The following DSCAM variants were observed in gnomAD, a reference collection of about 807,000 sequenced individuals.
The protein encoded by DSCAM is DS cell adhesion molecule.
A neutral mutation model predicts 217.7 loss-of-function variants in DSCAM; 47 were observed. The ratio of observed to expected loss-of-function variants is 0.22; its 90% CI spans 0.17 to 0.28. The LOEUF is 0.28. DSCAM is among the 10% of genes least tolerant of loss of function. DSCAM has a pLI of 1.00. For missense variants in DSCAM, 2,080 were observed against 2,618.3 expected (o/e 0.79, Z 4.49); for synonymous variants, 1,056 against 1,015.3 (o/e 1.04, Z -0.76).
chr21:40,818,691 C>G (rs560777178), intron 1 of DSCAM, among the ~76,000 whole-genome samples: 263 of 149,322 alleles, frequency 1.8e-3, no homozygotes, highest in African/African-American at 6.1e-3. Flanking sequence ...TATGTTGCTT[C>G]TTCTCCAACC....
intron 3 of DSCAM, among the ~76,000 whole-genome samples, chr21:40,423,593 C>G (rs60678628): frequency 2.6e-5 from 4 of 152,150 alleles, no homozygotes; most frequent in Non-Finnish European, 5.9e-5. Flanking sequence ...AAGTGTACTT[C>G]CCTTTCTTTC....
chr21:40,591,799 G>C (rs2076986345), intron 3 of DSCAM, among the ~76,000 whole-genome samples: 1 of 152,144 alleles, frequency 6.6e-6, no homozygotes, highest in South Asian at 2.1e-4. Flanking sequence ...AAATGGCCCA[G>C]GCTATTTGGA....
chr21:40,636,155 G>A (rs113957736), intron 3 of DSCAM, among the ~76,000 whole-genome samples: 2,814 of 152,274 alleles, frequency 0.018, 100 homozygotes, highest in African/African-American at 0.065. Flanking sequence ...TTTTAAAGCT[G>A]CAAGACCCCA....
At chr21:40,396,432 G>A (rs973829554) in intron 3 of DSCAM, among the ~76,000 whole-genome samples, 1 of 152,138 alleles carries the variant, frequency 6.6e-6, no homozygotes, top group Non-Finnish European at 1.5e-5. Context: ...AACACAAGGA[G>A]GCTGTTGGTT....
At chr21:40,798,739 A>G (rs2091713372) in intron 1 of DSCAM, among the ~76,000 whole-genome samples, 1 of 152,156 alleles carries the variant, frequency 6.6e-6, no homozygotes, top group African/African-American at 2.4e-5. Context: ...AATAAAAGAC[A>G]TACCAGACTG....
At chr21:40,705,581 G>C (rs796371769) in intron 2 of DSCAM, among the ~76,000 whole-genome samples, 9 of 152,272 alleles carry the variant, frequency 5.9e-5, no homozygotes, top group African/African-American at 2.2e-4. Flanking sequence ...AGGGTGGCAG[G>C]AGAGAGAATG....
chr21:40,825,839 C>G (rs2091964386), intron 1 of DSCAM, among the ~76,000 whole-genome samples: 1 of 152,174 alleles, frequency 6.6e-6, no homozygotes, highest in Middle Eastern at 3.4e-3. Context: ...AATGCAGAAA[C>G]TATTGTCACA....
chr21:40,464,040 C>G lies in DSCAM; in HGVS notation c.509-94795G>C, dbSNP rs545809204. ...CAACTAGAGATTCTCCAGCTGTTTC[C>G]TGAACCATCTGCACACTCTTTCCTG... On this transcript the variant is annotated intron_variant, in intron 3 of 32. Transcript: ENST00000400454. 2.0e-5 allele frequency among the ~76,000 whole-genome samples: 3 copies of G among 151,278 alleles called. No homozygotes were observed. The South Asian group carries it at 6.3e-4, about 32-fold the overall frequency.
At chr21:40,686,821 A>G (rs898959863) in intron 3 of DSCAM, among the ~76,000 whole-genome samples, 4 of 152,190 alleles carry the variant, frequency 2.6e-5, no homozygotes, top group African/African-American at 7.2e-5. Flanking sequence ...CCAGAGCTGT[A>G]AACAACCAGC....
Position 40,178,990 on chromosome 21 carries a change from C to A in DSCAM, c.2884G>T (p.Ala962Ser), listed in dbSNP as rs917866485. Reference sequence around the variant, plus strand: ...TCGCTCTTGCCAATCCGGTTCTTGGCGTACATGCGGATGCTGTAGGTGGAG... The same window carrying A: ...TCGCTCTTGCCAATCCGGTTCTTGGAGTACATGCGGATGCTGTAGGTGGAG... Reference protein sequence around the residue: ...PSSTYSIRMYAKNRIGKSEPS... With the variant: ...PSSTYSIRMYSKNRIGKSEPS... Residue 962 changes from alanine (A) to serine (S), a missense_variant, in exon 15 of 33, where the codon GCC becomes TCC. Ala to Ser is a moderately conservative substitution (Grantham distance 99). Coordinates refer to ENST00000400454, the MANE Select transcript of DSCAM (RefSeq NM_001389.5). 2 of 1,613,908 alleles carry A rather than the reference C, an allele frequency of 1.2e-6. No homozygotes were observed. The highest frequency in any genetic ancestry group is 1.1e-5 in the South Asian group (1 of 91,068).
At chr21:40,547,127 C>A (rs1261079496) in intron 3 of DSCAM, among the ~76,000 whole-genome samples, 1 of 152,180 alleles carries the variant, frequency 6.6e-6, no homozygotes, top group Non-Finnish European at 1.5e-5. Context: ...CCCTGTCTAT[C>A]CTGGGGAAGA....
chr21:40,633,030 A>G (rs1353038824), intron 3 of DSCAM, among the ~76,000 whole-genome samples: 6 of 152,046 alleles, frequency 3.9e-5, no homozygotes, highest in Non-Finnish European at 7.4e-5. Context: ...TTAATTATCC[A>G]TTTCCTGGTA....
chr21:40,598,701 C>T (rs957269259), intron 3 of DSCAM, among the ~76,000 whole-genome samples: 5 of 151,810 alleles, frequency 3.3e-5, no homozygotes, highest in Non-Finnish European at 5.9e-5. Context: ...GACAGGTTGT[C>T]ATCATGTTGG....
intron 3 of DSCAM, among the ~76,000 whole-genome samples, chr21:40,684,180 G>A (rs565594273): frequency 5.3e-5 from 8 of 151,948 alleles, no homozygotes; most frequent in East Asian, 3.9e-4. Context: ...AGCCGAGATC[G>A]CGTCACTGCA....
At chr21:40,510,018 G>C (rs149137421) in intron 3 of DSCAM, among the ~76,000 whole-genome samples, 1 of 152,106 alleles carries the variant, frequency 6.6e-6, no homozygotes, top group African/African-American at 2.4e-5. Flanking sequence ...CAGCTACTCA[G>C]GAGGCTGAGG....
chr21:40,806,001 C>T (rs2091783653), intron 1 of DSCAM, among the ~76,000 whole-genome samples: 1 of 152,182 alleles, frequency 6.6e-6, no homozygotes, highest in African/African-American at 2.4e-5. Context: ...AGCCACCGCA[C>T]CTGGCCTAAA....
chr21:40,141,979 C>CACACACACACACACACACACACACAT lies in DSCAM; in HGVS notation c.3406+578_3406+579insATGTGTGTGTGTGTGTGTGTGTGTGT, dbSNP rs1274442662. Among the ~76,000 whole-genome samples the CACACACACACACACACACACACACAT allele has an allele frequency of 4.4e-3, 670 of 151,516 alleles. 5 individuals carry two copies. The highest frequency in any genetic ancestry group is 0.015 in the African/African-American group (613 of 41,182). On this transcript the variant is annotated intron_variant, in intron 18 of 32. Transcript: ENST00000400454. ...ATTTTGCCCTACCACTTGAAATACACACACACACACACACACACACGATAA... is the reference window on the plus strand; with the variant it reads ...ATTTTGCCCTACCACTTGAAATACACACACACACACACACACACACACACATACACACACACACACACACACGATAA...
At chr21:40,486,284 G>A (rs991019399) in intron 3 of DSCAM, among the ~76,000 whole-genome samples, 12 of 152,276 alleles carry the variant, frequency 7.9e-5, no homozygotes, top group African/African-American at 2.9e-4. Context: ...CTCTCTCTAT[G>A]ACTTTCAACT....
At chr21:40,482,630 A>G (rs990022842) in intron 3 of DSCAM, among the ~76,000 whole-genome samples, 1 of 152,360 alleles carries the variant, frequency 6.6e-6, no homozygotes, top group Middle Eastern at 3.4e-3. Flanking sequence ...CATTTCAAAA[A>G]GAATTAGAGC....
Sources: allele counts gnomAD v4.1 joint callset (sites outside exome capture counted in the v4.1 genomes callset), GRCh38; gene constraint gnomAD v4.1.1; transcripts MANE v1.5; gene names NCBI Gene and HGNC (gene_info 2026-07-23, HGNC 2026-07-21).